Variants in RABL3 observed in about 807,000 individuals in gnomAD.
RABL3 encodes the protein rab-like protein 3.
A neutral mutation model predicts 31.8 loss-of-function variants in RABL3; 31 were observed. The ratio of observed to expected loss-of-function variants is 0.97; its 90% CI spans 0.73 to 1.31. RABL3 has a LOEUF of 1.31. Ranked by LOEUF, RABL3 falls within the 40% of genes most tolerant of loss-of-function variation. The probability of loss-of-function intolerance (pLI) is 0.00; values close to 1 mark genes in which losing one functional copy is unlikely to be tolerated. For synonymous variants in RABL3, 97 were observed against 99.9 expected (o/e 0.97, Z 0.18); for missense variants, 263 against 279.6 (o/e 0.94, Z 0.42).
intron 1 of RABL3, among the ~76,000 whole-genome samples, chr3:120,737,159 C>T (rs375997704): frequency 6.6e-6 from 1 of 152,328 alleles, no homozygotes; most frequent in East Asian, 1.9e-4. Flanking sequence ...CTTTCAGGTA[C>T]ACCAATCAGA....
chr3:120,698,341 A>G, intron 5 of RABL3, 82 bp downstream of exon 5: 5 of 1,302,956 alleles, frequency 3.8e-6, no homozygotes, highest in Non-Finnish European at 5.4e-6. Context: ...AGCTTCTTTC[A>G]CTAGAATATA....
chr3:120,737,923 G>T (rs962687658), intron 1 of RABL3, among the ~76,000 whole-genome samples: 12 of 152,222 alleles, frequency 7.9e-5, no homozygotes, highest in African/African-American at 2.9e-4. Context: ...CATGTGAGGT[G>T]TCAGTCTGCC....
chr3:120,721,241 G>A (rs905393526), intron 2 of RABL3, among the ~76,000 whole-genome samples: 13 of 152,300 alleles, frequency 8.5e-5, no homozygotes, highest in Non-Finnish European at 1.0e-4. Flanking sequence ...ATGCCAAAGC[G>A]TAAAGACCAT....
intron 1 of RABL3, among the ~76,000 whole-genome samples, chr3:120,740,084 A>G (rs1709023080): frequency 6.6e-6 from 1 of 152,166 alleles, no homozygotes; most frequent in Admixed American, 6.5e-5. Context: ...GGGGGTAAAA[A>G]AGGCCCAATA....
At chr3:120,721,965 T>G (rs1348128885) in intron 2 of RABL3, 1 of 152,074 alleles carries the variant, frequency 6.6e-6, no homozygotes, top group Non-Finnish European at 1.5e-5. Flanking sequence ...GAACAGAAAT[T>G]ATAACAAACT....
chr3:120,704,842 C>T (rs1708531449), intron 4 of RABL3, among the ~76,000 whole-genome samples: 1 of 152,042 alleles, frequency 6.6e-6, no homozygotes. Context: ...GTCAGGAATT[C>T]GAGATCAGCC....
intron 5 of RABL3, among the ~76,000 whole-genome samples, chr3:120,694,876 G>C (rs1172614183): frequency 6.6e-6 from 1 of 151,532 alleles, no homozygotes; most frequent in Non-Finnish European, 1.5e-5. Flanking sequence ...GGGCCCAGAA[G>C]GGACAAAACG....
At chr3:120,728,190 GA>G (rs983675593) in intron 2 of RABL3, among the ~76,000 whole-genome samples, 1 of 152,114 alleles carries the variant, frequency 6.6e-6, no homozygotes, top group Non-Finnish European at 1.5e-5. Context: ...GGAAGGGGCA[GA>G]AAATTGGACT....
chr3:120,722,445 C>T (rs1189327427), intron 2 of RABL3: 1 of 152,134 alleles, frequency 6.6e-6, no homozygotes, highest in Non-Finnish European at 1.5e-5. Flanking sequence ...CAGGTTAAGT[C>T]CCATATATCT....
chr3:120,737,594 G>T (rs941350862), intron 1 of RABL3, among the ~76,000 whole-genome samples: 1 of 152,170 alleles, frequency 6.6e-6, no homozygotes, highest in Admixed American at 6.5e-5. Context: ...AGGGGGAGAG[G>T]TGCTCTGATT....
Position 120,716,756 on chromosome 3 carries a change from T to G in RABL3, c.139-6847A>C, listed in dbSNP as rs1311596502. ...TAAAACAAAAACTATAACTGCAATA[T>G]AAAAGCTGCTACAGGTAACAGTGCT... On this transcript the variant is annotated intron_variant, in intron 2 of 7. Coordinates refer to ENST00000273375, the MANE Select transcript of RABL3 (RefSeq NM_173825.5). 2.6e-5 allele frequency among the ~76,000 whole-genome samples: 4 copies of G among 152,130 alleles called. No individual in the cohort carries two copies. In the East Asian group the frequency reaches 7.7e-4, roughly 29 times the overall value.
chr3:120,695,179 C>A (rs1708424442), intron 5 of RABL3, among the ~76,000 whole-genome samples: 1 of 152,030 alleles, frequency 6.6e-6, no homozygotes, highest in African/African-American at 2.4e-5. Flanking sequence ...AATCTCCAGG[C>A]CCACATGATT....
intron 2 of RABL3, among the ~76,000 whole-genome samples, chr3:120,723,703 G>A (rs1708778569): frequency 6.6e-6 from 1 of 152,134 alleles, no homozygotes; most frequent in Non-Finnish European, 1.5e-5. Context: ...AAAATCACAT[G>A]ATTATGTCAA....
chr3:120,737,037 C>T (rs952821827), intron 1 of RABL3, among the ~76,000 whole-genome samples: 8 of 152,090 alleles, frequency 5.3e-5, no homozygotes, highest in African/African-American at 7.2e-5. Flanking sequence ...ATCTTTGTGG[C>T]GTTCTCTGTA....
chr3:120,718,231 T>C lies in RABL3; in HGVS notation c.139-8322A>G, dbSNP rs1199528233. ...CTTGAAAACACAACTTCTCCTTATG[T>C]CCTCTCAGATAGATGCTGTTCACTT... On this transcript the variant is annotated intron_variant, in intron 2 of 7. Transcript: ENST00000273375. 2.0e-5 allele frequency among the ~76,000 whole-genome samples: 3 copies of C among 152,184 alleles called. No homozygotes were observed. In the East Asian group the frequency reaches 5.8e-4, roughly 29 times the overall value.
chr3:120,706,012 A>T lies in RABL3; in HGVS notation c.371T>A (p.Leu124Ter). 5.0e-6 allele frequency: 8 copies of T among 1,609,636 alleles called. No homozygotes were observed. Among genetic ancestry groups the T allele is most frequent in the Non-Finnish European group, 6.8e-6 (8 of 1,175,858 alleles). Reference protein sequence around the residue: ...LNRDLVPTGVLVTNGDYDQEQ... With the variant: ...LNRDLVPTGV ...GAAATTGGCTCACCCATTTGTCACCAAGACTCCAGTTGGCACCAAATCCCT... is the reference window on the plus strand; with the variant it reads ...GAAATTGGCTCACCCATTTGTCACCTAGACTCCAGTTGGCACCAAATCCCT... The change falls in exon 4 of 8, where the codon TTG becomes TAG. Residue 124 changes from leucine (L) to a stop codon, truncating the protein, a stop_gained. Coordinates refer to ENST00000273375, the MANE Select transcript of RABL3 (RefSeq NM_173825.5). LOFTEE classifies it high-confidence loss of function.
chr3:120,707,995 T>C lies in RABL3; in HGVS notation c.268+1785A>G, dbSNP rs77684567. Among the ~76,000 whole-genome samples the C allele has an allele frequency of 8.3e-3, 1,264 of 152,200 alleles. 17 individuals are homozygous for C. Among genetic ancestry groups the C allele is most frequent in the African/African-American group, 0.028 (1,180 of 41,550 alleles). On this transcript the variant is annotated intron_variant, in intron 3 of 7. Transcript: ENST00000273375. Reference sequence around the variant, plus strand: ...TCATTATTTCCTTCTGAAGGATTACTAGCCTAGGCTATTAGAGAGGGAAGA... The same window carrying C: ...TCATTATTTCCTTCTGAAGGATTACCAGCCTAGGCTATTAGAGAGGGAAGA...
intron 2 of RABL3, chr3:120,710,534 G>A (rs1708601496): frequency 6.6e-6 from 1 of 152,082 alleles, no homozygotes; most frequent in Non-Finnish European, 1.5e-5. Context: ...GTATTTATCT[G>A]CCTTTCTCCA....
At chr3:120,712,280 G>C (rs997837716) in intron 2 of RABL3, among the ~76,000 whole-genome samples, 1 of 152,128 alleles carries the variant, frequency 6.6e-6, no homozygotes, top group Non-Finnish European at 1.5e-5. Flanking sequence ...AGTTGCAGCA[G>C]TTGAGGACCA....
Sources: gnomAD v4.1 joint callset for allele counts (sites outside exome capture counted in the v4.1 genomes callset) on GRCh38, gnomAD v4.1.1 for gene constraint, MANE v1.5 for transcripts, NCBI Gene and HGNC (gene_info 2026-07-23, HGNC 2026-07-21) for gene names.